CELA3A: variants seen among roughly 807,000 people sequenced by gnomAD.
CELA3A encodes the protein chymotrypsin-like elastase family member 3A.
Under a neutral mutation model 38.6 loss-of-function variants are expected in CELA3A, and 35 were observed. The observed-to-expected ratio is 0.91, with a 90% CI of 0.69 to 1.20. The LOEUF (loss-of-function observed/expected upper bound fraction) is 1.20. CELA3A is among the 50% of genes most tolerant of loss of function. CELA3A has a pLI of 0.00. For synonymous variants in CELA3A, 143 were observed against 136.7 expected (o/e 1.05, Z -0.32); for missense variants, 343 against 354.2 (o/e 0.97, Z 0.25).
chr1:22,010,495 T>C (rs1644976802), intron 7 of CELA3A, among the ~76,000 whole-genome samples: 1 of 150,054 alleles, frequency 6.7e-6, no homozygotes, highest in Non-Finnish European at 1.5e-5. Context: ...TGGGTGCCTG[T>C]AATCCCAGCT....
chr1:22,003,106 T>C lies in CELA3A; in HGVS notation c.129+18T>C, dbSNP rs1161912899. ...CCTGGCAGGTAAGAGCAATAGCAGC[T>C]GCCCTCATTCCCACCGTGGGCTCTG... On this transcript the variant is annotated intron_variant, in intron 2 of 7. Transcript: ENST00000290122. 1 of 1,572,430 alleles carries C rather than the reference T, an allele frequency of 6.4e-7. No individual in the cohort carries two copies. Among genetic ancestry groups the C allele is most frequent in the Non-Finnish European group, 8.6e-7 (1 of 1,162,372 alleles).
At chr1:22,004,996 G>C (rs1291939548) in intron 2 of CELA3A, among the ~76,000 whole-genome samples, 2 of 150,832 alleles carry the variant, frequency 1.3e-5, no homozygotes, top group Non-Finnish European at 2.9e-5. Flanking sequence ...TTACTGTGGA[G>C]GCTGAGACAG....
intron 5 of CELA3A, 65 bp from the exon 6 acceptor site, chr1:22,007,308 C>T (rs1438202877): frequency 1.3e-6 from 2 of 1,543,468 alleles, no homozygotes; most frequent in Non-Finnish European, 1.7e-6. Flanking sequence ...TTGAATGCCC[C>T]CTTCCTCTGG....
At chr1:22,008,717 C>T (rs1644966102) in intron 6 of CELA3A, among the ~76,000 whole-genome samples, 1 of 150,402 alleles carries the variant, frequency 6.6e-6, no homozygotes, top group Non-Finnish European at 1.5e-5. Context: ...CGAGATCGCG[C>T]CACTGCACTC....
Position 22,001,714 on chromosome 1 carries a change from G to A in CELA3A, c.40G>A (p.Val14Ile), listed in dbSNP as rs11541414. Reference sequence around the variant, plus strand: ...GCTCAGTTCCCTCCTCCTTGTGGCCGTTGGTAAGACCCCAACCTGTCTGTG... The same window carrying A: ...GCTCAGTTCCCTCCTCCTTGTGGCCATTGGTAAGACCCCAACCTGTCTGTG... ...RLLSSLLLVAVASGYGPPSSH... is the reference protein window; with the variant it reads ...RLLSSLLLVAIASGYGPPSSH... The change falls in exon 1 of 8, where the codon GTT becomes ATT. Residue 14 changes from valine to isoleucine, a missense_variant. Transcript: ENST00000290122. 27,907 of 1,612,074 alleles carry A rather than the reference G, an allele frequency of 0.017. 1,590 individuals are homozygous for A. Among genetic ancestry groups the A allele is most frequent in the African/African-American group, 0.13 (9,281 of 74,074 alleles).
intron 2 of CELA3A, among the ~76,000 whole-genome samples, chr1:22,003,558 G>A (rs1186332268): frequency 6.6e-6 from 1 of 150,694 alleles, no homozygotes. Context: ...GCTCACGCCT[G>A]TAATCCCAGC....
intron 4 of CELA3A, 29 bp downstream of exon 4, chr1:22,005,825 G>C (rs1229609119): frequency 6.2e-7 from 1 of 1,609,820 alleles, no homozygotes; most frequent in South Asian, 1.1e-5. Context: ...CTGGAACCCA[G>C]GGGCTCCTCT....
chr1:22,009,633 C>T, intron 6 of CELA3A, 72 bp from the exon 7 acceptor site: 1 of 1,554,000 alleles, frequency 6.4e-7, no homozygotes. Flanking sequence ...TTCTTGAAAT[C>T]CCTAGAATTC....
In CELA3A at chr1:22,009,701, C is replaced by T. The variant is rs970321077; in HGVS notation, c.643-4C>T. Reference sequence around the variant, plus strand: ...AGCCACCCACTCCTCTCTGACGGTTCCAGGGTGACTCTGGAGGACCCCTCA... The same window carrying T: ...AGCCACCCACTCCTCTCTGACGGTTTCAGGGTGACTCTGGAGGACCCCTCA... On this transcript the variant is annotated splice_region_variant and splice_polypyrimidine_tract_variant and intron_variant, in intron 6 of 7. Transcript: ENST00000290122. 2 of 1,611,578 alleles carry T rather than the reference C, an allele frequency of 1.2e-6. No individual in the cohort carries two copies. Among genetic ancestry groups the T allele is most frequent in the East Asian group, 2.2e-5 (1 of 44,684 alleles).
intron 4 of CELA3A, among the ~76,000 whole-genome samples, chr1:22,006,649 G>A (rs1389367513): frequency 6.6e-6 from 1 of 150,610 alleles, no homozygotes; most frequent in Non-Finnish European, 1.5e-5. Flanking sequence ...CCTTGGCCCA[G>A]GAGGCTGCAG....
rs189505124 is a variant in CELA3A, at chr1:22,003,371, C to A, written c.129+283C>A. Among the ~76,000 whole-genome samples, 138 of 151,034 alleles carry A rather than the reference C, an allele frequency of 9.1e-4. 5 individuals carry two copies. The highest frequency in any genetic ancestry group is 3.0e-3 in the African/African-American group (124 of 40,756). On this transcript the variant is annotated intron_variant, in intron 2 of 7. Coordinates refer to ENST00000290122, the MANE Select transcript of CELA3A (RefSeq NM_005747.5). ...GGTGGAATTTCAGGCACTGTGTTGACGAAGTGAGATTTTGAGAGACTCATT... is the reference window on the plus strand; with the variant it reads ...GGTGGAATTTCAGGCACTGTGTTGAAGAAGTGAGATTTTGAGAGACTCATT...
chr1:22,007,575 C>T lies in CELA3A; in HGVS notation c.642+60C>T, dbSNP rs994739291. On this transcript the variant is annotated intron_variant, in intron 6 of 7. Transcript: ENST00000290122. ...GGTGTGCAGGACCTTGGAATGGGGC[C>T]AACTGCCTGGAAGGTGGAGGAAGGA... 23 of 1,553,694 alleles carry T rather than the reference C, an allele frequency of 1.5e-5. 3 individuals carry two copies. In the African/African-American group the frequency reaches 2.3e-4, roughly 16 times the overall value.
At chr1:22,001,914 T>A (rs1053910611) in intron 1 of CELA3A, among the ~76,000 whole-genome samples, 197 bp downstream of exon 1, 28 of 150,946 alleles carry the variant, frequency 1.9e-4, no homozygotes, top group Middle Eastern at 3.4e-3. Context: ...CTGTGGATGG[T>A]GAAAGACCCC....
chr1:22,006,387 C>G (rs550609260), intron 4 of CELA3A, among the ~76,000 whole-genome samples: 22 of 151,076 alleles, frequency 1.5e-4, no homozygotes, highest in Non-Finnish European at 2.9e-4. Flanking sequence ...ATTAGCCAGG[C>G]GTGGTGGCAT....
chr1:22,008,249 C>T (rs1644963063), intron 6 of CELA3A, among the ~76,000 whole-genome samples: 1 of 148,562 alleles, frequency 6.7e-6, no homozygotes, highest in Admixed American at 6.8e-5. Context: ...CTCCTGGGCT[C>T]AAGCAACCCT....
chr1:22,007,306 C>A, intron 5 of CELA3A, 67 bp from the exon 6 acceptor site: 2 of 1,540,620 alleles, frequency 1.3e-6, no homozygotes, highest in Admixed American at 2.0e-5. Context: ...CCTTGAATGC[C>A]CCCTTCCTCT....
intron 2 of CELA3A, 43 bp from the exon 3 acceptor site, chr1:22,005,404 G>T (rs1283721144): frequency 6.2e-7 from 1 of 1,606,578 alleles, no homozygotes; most frequent in Non-Finnish European, 8.5e-7. Context: ...AACTCTCATG[G>T]TGGGGCCCAG....
chr1:22,010,242 G>C, intron 7 of CELA3A: 1 of 378,282 alleles, frequency 2.6e-6, no homozygotes, highest in Admixed American at 3.7e-5. Context: ...GGGGAGTCCA[G>C]GCCCCAGACT....
Position 22,012,435 on chromosome 1 carries a change from C to G in CELA3A, c.796-15C>G. On this transcript the variant is annotated splice_polypyrimidine_tract_variant and intron_variant, in intron 7 of 7. Coordinates refer to ENST00000290122, the MANE Select transcript of CELA3A (RefSeq NM_005747.5). ...CCTAAATTGACTATTCTGTCTGCCC[C>G]CCCAACTTTTCCAGACCATAGCAAG... The G allele has an allele frequency of 1.6e-6, 2 of 1,268,592 alleles. No homozygotes were observed. Among genetic ancestry groups the G allele is most frequent in the Non-Finnish European group, 2.1e-6 (2 of 935,024 alleles). 78.6% of individuals were successfully genotyped at this position (1,268,592 alleles called of 1,614,324 possible).
Sources: gnomAD v4.1 joint callset for allele counts (sites outside exome capture counted in the v4.1 genomes callset) on GRCh38, gnomAD v4.1.1 for gene constraint, MANE v1.5 for transcripts, NCBI Gene and HGNC (gene_info 2026-07-23, HGNC 2026-07-21) for gene names.